The following GATAD2A variants were observed in gnomAD, a reference collection of about 807,000 sequenced individuals.
GATAD2A encodes transcriptional repressor p66-alpha.
GATAD2A carries 12 observed loss-of-function variants against 68.5 expected under a neutral mutation model. That is an observed-to-expected ratio of 0.18 (90% CI 0.11 to 0.28). The LOEUF (loss-of-function observed/expected upper bound fraction) is 0.28, where lower values mean the gene tolerates loss of function less well. Among genes scored for constraint, GATAD2A ranks in the 10% least tolerant of loss-of-function variants. The pLI is 1.00. For missense variants in GATAD2A, 755 were observed against 868.5 expected (o/e 0.87, Z 1.64); for synonymous variants, 410 against 375.3 (o/e 1.09, Z -1.07).
At chr19:19,412,936 C>G (rs908548868) in intron 1 of GATAD2A, among the ~76,000 whole-genome samples, 1 of 152,150 alleles carries the variant, frequency 6.6e-6, no homozygotes, top group Non-Finnish European at 1.5e-5. Flanking sequence ...CATTGTAAGT[C>G]GAGGAGCTCC....
intron 1 of GATAD2A, among the ~76,000 whole-genome samples, chr19:19,435,975 C>T (rs1263646652): frequency 4.6e-5 from 7 of 152,164 alleles, no homozygotes; most frequent in African/African-American, 9.7e-5. Context: ...TTGTTTCCTC[C>T]GACTGTCCCC....
At chr19:19,496,326 C>A in intron 7 of GATAD2A, 107 bp downstream of exon 7, 1 of 1,031,474 alleles carries the variant, frequency 9.7e-7, no homozygotes, top group Non-Finnish European at 1.5e-6. Flanking sequence ...GGCTGTGTGG[C>A]ATGACCTGCC....
chr19:19,496,339 G>T, intron 7 of GATAD2A, 120 bp downstream of exon 7: 1 of 928,134 alleles, frequency 1.1e-6, no homozygotes, highest in Non-Finnish European at 1.7e-6. Context: ...GACCTGCCTT[G>T]CTCTTTCAGA....
intron 2 of GATAD2A, among the ~76,000 whole-genome samples, chr19:19,489,994 C>T (rs1471176840): frequency 6.6e-6 from 1 of 152,152 alleles, no homozygotes; most frequent in Non-Finnish European, 1.5e-5. Flanking sequence ...TCTTGGGCGG[C>T]ATGGGGCCGG....
intron 1 of GATAD2A, among the ~76,000 whole-genome samples, chr19:19,451,857 A>C (rs1030796147): frequency 6.6e-6 from 1 of 152,118 alleles, no homozygotes; most frequent in Non-Finnish European, 1.5e-5. Context: ...TTTTCTTCTT[A>C]CTTTTAGAGA....
At chr19:19,499,234 G>A (rs993150951) in intron 8 of GATAD2A, among the ~76,000 whole-genome samples, 7 of 152,226 alleles carry the variant, frequency 4.6e-5, no homozygotes, top group African/African-American at 1.7e-4. Context: ...CATCTACGGG[G>A]TGATCACAGC....
chr19:19,474,143 G>A (rs1162436802), intron 2 of GATAD2A: 2 of 985,222 alleles, frequency 2.0e-6, no homozygotes, highest in Non-Finnish European at 2.4e-6. Context: ...ATTTTTGCAA[G>A]ATGTCTCTGA....
chr19:19,461,309 A>G (rs2057409848), intron 1 of GATAD2A, among the ~76,000 whole-genome samples: 2 of 151,684 alleles, frequency 1.3e-5, no homozygotes, highest in South Asian at 4.1e-4. Context: ...TTGTGATCTC[A>G]GGGGTTTGGT....
In GATAD2A at chr19:19,496,237, C is replaced by G. The variant is rs750387323; in HGVS notation, c.924+18C>G. The G allele has an allele frequency of 6.2e-7, 1 of 1,610,428 alleles. No individual in the cohort carries two copies. The highest frequency in any genetic ancestry group is 8.5e-7 in the Non-Finnish European group (1 of 1,177,828). ...TCCCACAGGTGAGGGCTGCGCCACACTGTGCCAGGGAGAGTGTGTGTCCCA... is the reference window on the plus strand; with the variant it reads ...TCCCACAGGTGAGGGCTGCGCCACAGTGTGCCAGGGAGAGTGTGTGTCCCA... On this transcript the variant is annotated intron_variant, in intron 7 of 11. Transcript: ENST00000683918.
At chr19:19,463,565 G>A (rs903989424) in intron 1 of GATAD2A, among the ~76,000 whole-genome samples, 6 of 152,314 alleles carry the variant, frequency 3.9e-5, no homozygotes, top group African/African-American at 9.6e-5. Flanking sequence ...AGTTGGTGTG[G>A]GATAGGTGGT....
intron 1 of GATAD2A, among the ~76,000 whole-genome samples, chr19:19,389,952 C>G (rs1333751131): frequency 1.3e-5 from 2 of 152,012 alleles, no homozygotes. Context: ...TTGGTAGAGA[C>G]GAGGTCTCAC....
intron 1 of GATAD2A, among the ~76,000 whole-genome samples, chr19:19,420,489 G>T (rs1313389517): frequency 6.9e-6 from 1 of 145,002 alleles, no homozygotes; most frequent in Non-Finnish European, 1.5e-5. Context: ...CCGCCACCAC[G>T]CCTGGCCAAT....
intron 2 of GATAD2A, among the ~76,000 whole-genome samples, chr19:19,470,536 A>G (rs1298925676): frequency 6.6e-6 from 1 of 152,226 alleles, no homozygotes; most frequent in Non-Finnish European, 1.5e-5. Flanking sequence ...AATCAGTTAT[A>G]GTTAGAGATT....
intron 5 of GATAD2A, among the ~76,000 whole-genome samples, chr19:19,494,607 A>G (rs1233549875): frequency 1.3e-5 from 2 of 152,202 alleles, no homozygotes; most frequent in Non-Finnish European, 2.9e-5. Flanking sequence ...AATGTCACAG[A>G]CAGAAATCAT....
intron 10 of GATAD2A, 75 bp downstream of exon 10, chr19:19,502,118 C>G (rs963455793): frequency 1.6e-5 from 18 of 1,108,390 alleles, no homozygotes; most frequent in Non-Finnish European, 2.5e-5. Context: ...CCGACTGTCA[C>G]GCTGCCTCTT....
chr19:19,495,865 C>G lies in GATAD2A; in HGVS notation c.736C>G (p.Pro246Ala). The G allele has an allele frequency of 6.2e-7, 1 of 1,613,020 alleles. No individual in the cohort carries two copies. The highest frequency in any genetic ancestry group is 2.2e-5 in the East Asian group (1 of 44,822). The change falls in exon 6 of 12, where the codon CCA becomes GCA. Residue 246 changes from proline to alanine, a missense_variant. Transcript: ENST00000683918. ...PQASSQVVMP[P>A]LVRGAQQIHS... ...GGCGAGCTCACAGGTCGTCATGCCC[C>G]CACTCGTCAGGGGGGCTCAGGTAAG... is the stretch of plus-strand genomic sequence containing the variant.
intron 2 of GATAD2A, among the ~76,000 whole-genome samples, chr19:19,465,989 G>C (rs532316661): frequency 6.6e-6 from 1 of 152,176 alleles, no homozygotes; most frequent in Non-Finnish European, 1.5e-5. Context: ...AGATCTAGAG[G>C]TCAGAGGGCC....
At chr19:19,438,662 C>T (rs2054640474) in intron 1 of GATAD2A, among the ~76,000 whole-genome samples, 1 of 152,194 alleles carries the variant, frequency 6.6e-6, no homozygotes, top group African/African-American at 2.4e-5. Context: ...TGCCAGCCAG[C>T]AGGGAAGACC....
chr19:19,465,264 A>G lies in GATAD2A; in HGVS notation c.-6-76A>G, dbSNP rs964956569. Reference sequence around the variant, plus strand: ...CATAGGGAGGAAAACACTGAAAGCAACACTGAAAAGTCTCCAAGAAGGTGG... The same window carrying G: ...CATAGGGAGGAAAACACTGAAAGCAGCACTGAAAAGTCTCCAAGAAGGTGG... On this transcript the variant is annotated intron_variant, in intron 1 of 11. Coordinates refer to ENST00000683918, the MANE Select transcript of GATAD2A (RefSeq NM_001384528.1). 13 of 1,111,710 alleles carry G rather than the reference A, an allele frequency of 1.2e-5. No homozygotes were observed. The African/African-American group carries it at 1.7e-4, about 14-fold the overall frequency. 68.9% of individuals were successfully genotyped at this position (1,111,710 alleles called of 1,614,324 possible). A position where few individuals can be genotyped will look rare whatever the true frequency, so the allele number is the denominator to read the frequency against.
Sources: gnomAD v4.1 joint callset for allele counts (sites outside exome capture counted in the v4.1 genomes callset) on GRCh38, gnomAD v4.1.1 for gene constraint, MANE v1.5 for transcripts, NCBI Gene and HGNC (gene_info 2026-07-23, HGNC 2026-07-21) for gene names.